The following CLUH variants were observed in gnomAD, a reference collection of about 807,000 sequenced individuals.
The protein encoded by CLUH is clustered mitochondria protein homolog.
Under a neutral mutation model 139.3 loss-of-function variants are expected in CLUH, and 77 were observed. The ratio of observed to expected loss-of-function variants is 0.55; its 90% CI spans 0.46 to 0.67. The LOEUF is 0.67. Among genes scored for constraint, CLUH ranks in the 30% least tolerant of loss-of-function variants. CLUH has a pLI of 0.00. For synonymous variants in CLUH, 999 were observed against 801.6 expected (o/e 1.25, Z -4.16); for missense variants, 1,876 against 1,875.8 (o/e 1.00, Z 0.00).
Position 2,694,858 on chromosome 17 carries a change from ACTC to A in CLUH, c.2848_2850del (p.Glu950del). 1.0e-6 allele frequency: 1 copy of A among 986,114 alleles called. No homozygotes were observed. 61.1% of individuals were successfully genotyped at this position (986,114 alleles called of 1,614,324 possible). A position where few individuals can be genotyped will look rare whatever the true frequency, so the allele number is the denominator to read the frequency against. On this transcript the variant is annotated inframe_deletion and splice_region_variant, in exon 16 of 26. Coordinates refer to ENST00000651024, the MANE Select transcript of CLUH (RefSeq NM_001366661.1). ...CCACCGCCCCTGCCCCGCACGCACC[ACTC>A]GAGGTCGAAGTCAAAGTAGTTCTTG... is the stretch of plus-strand genomic sequence containing the variant.
At chr17:2,709,219 G>A (rs2070441376) in intron 1 of CLUH, among the ~76,000 whole-genome samples, 1 of 152,106 alleles carries the variant, frequency 6.6e-6, no homozygotes, top group Non-Finnish European at 1.5e-5. Flanking sequence ...GCCAGGCCAC[G>A]CCCCAGCCAA....
intron 9 of CLUH, 132 bp from the exon 10 acceptor site, chr17:2,698,722 G>T: frequency 1.2e-6 from 1 of 807,372 alleles, no homozygotes; most frequent in Non-Finnish European, 1.9e-6. Context: ...CGGAGCCTCA[G>T]TTTCCTCATA....
At position 2,704,289 on chromosome 17, in the gene CLUH, A is replaced by T; in HGVS notation, c.303+73T>A. The T allele has an allele frequency of 4.0e-6, 6 of 1,491,154 alleles. No homozygotes were observed. Among genetic ancestry groups the T allele is most frequent in the Non-Finnish European group, 5.5e-6 (6 of 1,097,928 alleles). 92.4% of individuals were successfully genotyped at this position (1,491,154 alleles called of 1,614,324 possible). A position where few individuals can be genotyped will look rare whatever the true frequency, so the allele number is the denominator to read the frequency against. The stretch of plus-strand genomic sequence containing the variant: ...AAATGGGGCCGGTAGGAGCACGAGC[A>T]AGGCTGAGCTTTCCAGCTCACCCTC... On this transcript the variant is annotated intron_variant, in intron 2 of 25. Transcript: ENST00000651024. This position sits in a 1 kb window ranked among gnomAD's most constrained non-coding sequence, Gnocchi z 5.7.
Position 2,707,283 on chromosome 17 carries a change from C to A in CLUH, c.101-2719G>T. The A allele has an allele frequency of 2.0e-6, 2 of 985,446 alleles. No individual in the cohort carries two copies. The highest frequency in any genetic ancestry group is 2.4e-6 in the Non-Finnish European group (2 of 829,922). The allele number at this position is 985,446 out of a possible 1,614,324, so 61.0% of individuals were successfully genotyped here. A position where few individuals can be genotyped will look rare whatever the true frequency, so the allele number is the denominator to read the frequency against. On this transcript the variant is annotated intron_variant, in intron 1 of 25. Coordinates refer to ENST00000651024, the MANE Select transcript of CLUH (RefSeq NM_001366661.1). The surrounding 1 kb of genome is among the most constrained non-coding windows in gnomAD (Gnocchi z 7.4). ...CCCAGCATTGCCCGGGTTCCTTGTTCCAGCCTCTGCCGCTACCCTTGCCCT... is the reference window on the plus strand; with the variant it reads ...CCCAGCATTGCCCGGGTTCCTTGTTACAGCCTCTGCCGCTACCCTTGCCCT...
rs1207255488 is a variant in CLUH, at chr17:2,707,712, CA to C, written c.101-3149del. 7.1e-6 allele frequency: 7 copies of C among 985,444 alleles called. No individual in the cohort carries two copies. In the East Asian group the frequency reaches 5.7e-4, roughly 80 times the overall value. 61.0% of individuals were successfully genotyped at this position (985,444 alleles called of 1,614,324 possible). On this transcript the variant is annotated intron_variant, in intron 1 of 25. Coordinates refer to ENST00000651024, the MANE Select transcript of CLUH (RefSeq NM_001366661.1). This position sits in a 1 kb window ranked among gnomAD's most constrained non-coding sequence, Gnocchi z 7.4. Reference sequence around the variant, plus strand: ...GACCGCTTCTGCCAGCTGCCGCCAACAGCTGGCACAGACCCGGGTCCAGGCC... The same window carrying C: ...GACCGCTTCTGCCAGCTGCCGCCAACGCTGGCACAGACCCGGGTCCAGGCC...
At chr17:2,696,095 G>T in intron 13 of CLUH, 64 bp downstream of exon 13, 1 of 1,338,180 alleles carries the variant, frequency 7.5e-7, no homozygotes, top group South Asian at 1.3e-5. Context: ...CTCCAAGTCG[G>T]AGACAGATGA....
chr17:2,696,366 G>C, intron 12 of CLUH, 68 bp downstream of exon 12: 1 of 1,516,766 alleles, frequency 6.6e-7, no homozygotes, highest in East Asian at 2.5e-5. Flanking sequence ...CCAGCCCCAA[G>C]GGCCCAGGCC....
intron 1 of CLUH, among the ~76,000 whole-genome samples, chr17:2,710,477 G>A (rs1002389295): frequency 2.0e-5 from 3 of 152,252 alleles, no homozygotes; most frequent in Non-Finnish European, 4.4e-5. Flanking sequence ...TAGGAAGGGA[G>A]ATGATGAGGC....
chr17:2,709,713 C>G (rs940009284), intron 1 of CLUH, among the ~76,000 whole-genome samples: 8 of 152,292 alleles, frequency 5.3e-5, no homozygotes, highest in Non-Finnish European at 1.2e-4. Context: ...GGCTGAAGAG[C>G]CTTCCAGAGC....
intron 13 of CLUH, chr17:2,695,837 T>C (rs1037357543): frequency 1.2e-5 from 7 of 579,204 alleles, no homozygotes; most frequent in African/African-American, 3.7e-5. Context: ...CCCAGCATCC[T>C]GGAACCAGAC....
chr17:2,693,065 C>T (rs1190395443), intron 19 of CLUH: 5 of 426,268 alleles, frequency 1.2e-5, no homozygotes, highest in Non-Finnish European at 1.6e-5. Context: ...ACAGAGAGCT[C>T]CACACACCCA....
Position 2,689,513 on chromosome 17 carries a change from A to T in CLUH, c.*1081T>A, listed in dbSNP as rs755954442. Reference sequence around the variant, plus strand: ...CCCGCTCACGCCCATCCCCCTTGAAACAAGGTGTCTGGACGGACCACACCC... The same window carrying T: ...CCCGCTCACGCCCATCCCCCTTGAATCAAGGTGTCTGGACGGACCACACCC... On this transcript the variant is annotated 3_prime_UTR_variant, in exon 26 of 26. Coordinates refer to ENST00000651024, the MANE Select transcript of CLUH (RefSeq NM_001366661.1). The T allele has an allele frequency of 2.6e-5, 4 of 152,698 alleles. No individual in the cohort carries two copies. Among genetic ancestry groups the T allele is most frequent in the Non-Finnish European group, 5.9e-5 (4 of 68,084 alleles). 9.5% of individuals were successfully genotyped at this position (152,698 alleles called of 1,614,324 possible).
At position 2,698,545 on chromosome 17, in the gene CLUH, C is replaced by T. The variant is rs1340574569; in HGVS notation, c.1312G>A (p.Val438Ile). The T allele has an allele frequency of 1.2e-6, 2 of 1,610,772 alleles. No individual in the cohort carries two copies. The highest frequency in any genetic ancestry group is 1.7e-6 in the Non-Finnish European group (2 of 1,178,444). ...TAAATRGAMA[V>I]IDGNVMAINP... ...ATGGCCATCACGTTGCCGTCAATGA[C>T]GGCCATGGCGCCCCTGGTGGCTGCC... Residue 438 changes from valine (V) to isoleucine (I), a missense_variant, in exon 10 of 26, where the codon GTC becomes ATC. Physicochemically the swap from Val to Ile is conservative, Grantham distance 29 (BLOSUM62 3). Coordinates refer to ENST00000651024, the MANE Select transcript of CLUH (RefSeq NM_001366661.1).
chr17:2,700,980 C>A, intron 7 of CLUH, 155 bp from the exon 8 acceptor site: 1 of 1,439,926 alleles, frequency 6.9e-7, no homozygotes. Context: ...TCTCCTGCGG[C>A]TGCTGTCTCG....
chr17:2,696,852 A>T lies in CLUH; in HGVS notation c.2052T>A (p.Gly684=), dbSNP rs1180969598. The T allele has an allele frequency of 6.2e-7, 1 of 1,613,536 alleles. No homozygotes were observed. Residue 684 remains glycine (G), a synonymous_variant, in exon 11 of 26, where the codon GGT becomes GGA. Coordinates refer to ENST00000651024, the MANE Select transcript of CLUH (RefSeq NM_001366661.1). ...CAGACTTGGACTCCAAGGAGGAAGG[A>T]CCACCATTTTCCAGGGAGGAGGGGG... is the stretch of plus-strand genomic sequence containing the variant. ...LETPSSLENG[G]PSSLESKSED...
chr17:2,710,320 C>T (rs919509104), intron 1 of CLUH, among the ~76,000 whole-genome samples: 1 of 152,246 alleles, frequency 6.6e-6, no homozygotes, highest in Non-Finnish European at 1.5e-5. Flanking sequence ...TCTGCCCAAA[C>T]CTTGGCCTTG....
At chr17:2,696,091 G>T (rs376080451) in intron 13 of CLUH, 68 bp downstream of exon 13, 5 of 1,295,144 alleles carry the variant, frequency 3.9e-6, no homozygotes, top group South Asian at 3.8e-5. Context: ...GGGCCTCCAA[G>T]TCGGAGACAG....
In CLUH at chr17:2,696,728, CGTCTGCGGCGATG is replaced by C. The variant is rs1405435123; in HGVS notation, c.2163_2175del (p.Ile722ThrfsTer11). 6.2e-7 allele frequency: 1 copy of C among 1,611,984 alleles called. No individual in the cohort carries two copies. ...TCTGCAGCAGCCCCACCTGTGCCGT[CGTCTGCGGCGATG>C]GTCTCTGCCAGCTCCTTCACCTTGG... On this transcript the variant is annotated frameshift_variant, in exon 11 of 26. Transcript: ENST00000651024. LOFTEE classifies it high-confidence loss of function.
At position 2,694,979 on chromosome 17, in the gene CLUH, C is replaced by T. The variant is rs1168781705; in HGVS notation, c.2730G>A (p.Lys910=). The part of the protein sequence containing the change: ...ADELVSKKRN[K]RRKNRPPGAA... ...CCCCCGGGGGCCGGTTTTTCCTCCT[C>T]TTATTCCGCTTCTTGGAGACCAGCT... Residue 910 remains lysine (K), a synonymous_variant, in exon 16 of 26, where the codon AAG becomes AAA. Transcript: ENST00000651024. 6.2e-7 allele frequency: 1 copy of T among 1,613,558 alleles called. No homozygotes were observed. The highest frequency in any genetic ancestry group is 8.5e-7 in the Non-Finnish European group (1 of 1,179,764).
Sources: allele counts gnomAD v4.1 joint callset (sites outside exome capture counted in the v4.1 genomes callset), GRCh38; gene constraint gnomAD v4.1.1; non-coding constraint Gnocchi (gnomAD v3.1); transcripts MANE v1.5; gene names NCBI Gene and HGNC (gene_info 2026-07-23, HGNC 2026-07-21).